Variants in USO1 observed in about 807,000 individuals in gnomAD.
USO1 encodes the protein USO1 vesicle transport factor, also known as general vesicular transport factor p115.
A neutral mutation model predicts 124.5 loss-of-function variants in USO1; 57 were observed. The ratio of observed to expected loss-of-function variants is 0.46; its 90% CI spans 0.37 to 0.57. The LOEUF (loss-of-function observed/expected upper bound fraction) is 0.57, where lower values mean the gene tolerates loss of function less well. Among genes scored for constraint, USO1 ranks in the 20% least tolerant of loss-of-function variants. The probability of loss-of-function intolerance (pLI) is 0.00; values close to 1 mark genes in which losing one functional copy is unlikely to be tolerated. For synonymous variants in USO1, 369 were observed against 362.8 expected (o/e 1.02, Z -0.19); for missense variants, 900 against 1,040.6 (o/e 0.86, Z 1.86).
chr4:75,771,276 G>A (rs1721920785), intron 7 of USO1, 139 bp downstream of exon 7: 4 of 1,027,058 alleles, frequency 3.9e-6, no homozygotes, highest in Non-Finnish European at 4.1e-6. Context: ...TTAAAAATTA[G>A]TAAACAGAGA....
At chr4:75,728,486 C>T (rs1422876154) in intron 1 of USO1, among the ~76,000 whole-genome samples, 1 of 151,978 alleles carries the variant, frequency 6.6e-6, no homozygotes, top group East Asian at 1.9e-4. Flanking sequence ...CCTGTCTCTA[C>T]TAAAAATACA....
chr4:75,750,893 AT>A (rs1200946155), intron 1 of USO1, among the ~76,000 whole-genome samples: 2 of 152,118 alleles, frequency 1.3e-5, no homozygotes, highest in Non-Finnish European at 2.9e-5. Flanking sequence ...AGGTTTCCAA[AT>A]TCTTTTTTAA....
intron 9 of USO1, among the ~76,000 whole-genome samples, chr4:75,786,281 C>T (rs547682550): frequency 8.3e-4 from 126 of 152,218 alleles, no homozygotes; most frequent in Non-Finnish European, 1.4e-3. Flanking sequence ...TCATTGATTA[C>T]TTCTGTGTAT....
At chr4:75,771,190 G>A in intron 7 of USO1, 53 bp downstream of exon 7, 1 of 1,529,784 alleles carries the variant, frequency 6.5e-7, no homozygotes, top group South Asian at 1.3e-5. Flanking sequence ...TTTTTCTCTT[G>A]CAAATGAAAT....
chr4:75,749,614 G>C (rs1384890073), intron 1 of USO1, among the ~76,000 whole-genome samples: 4 of 150,916 alleles, frequency 2.7e-5, no homozygotes, highest in African/African-American at 9.7e-5. Context: ...GCCCAGGCTG[G>C]TCTCAAACTC....
At chr4:75,738,121 T>C (rs1037983937) in intron 1 of USO1, among the ~76,000 whole-genome samples, 6 of 151,580 alleles carry the variant, frequency 4.0e-5, no homozygotes, top group African/African-American at 7.3e-5. Context: ...GTATGAGTCA[T>C]TGGGCCTGGC....
At chr4:75,759,605 G>C (rs1323559473) in intron 4 of USO1, among the ~76,000 whole-genome samples, 3 of 142,402 alleles carry the variant, frequency 2.1e-5, no homozygotes, top group Non-Finnish European at 4.6e-5. Flanking sequence ...AAAAAAAAAA[G>C]AAAAGAAAGA....
chr4:75,736,525 ACTCCTGAC>A (rs1720797049), intron 1 of USO1, among the ~76,000 whole-genome samples: 1 of 151,202 alleles, frequency 6.6e-6, no homozygotes, highest in South Asian at 2.1e-4. Context: ...CTGGTCTCGA[ACTCCTGAC>A]CTCATGTGAT....
At chr4:75,746,044 T>C (rs1317886386) in intron 1 of USO1, among the ~76,000 whole-genome samples, 2 of 152,174 alleles carry the variant, frequency 1.3e-5, no homozygotes, top group Non-Finnish European at 2.9e-5. Flanking sequence ...TAGTAGATAA[T>C]CCCTACGGTA....
chr4:75,793,284 C>G (rs1033494433), intron 12 of USO1, among the ~76,000 whole-genome samples: 2 of 144,042 alleles, frequency 1.4e-5, no homozygotes, highest in African/African-American at 2.6e-5. Context: ...GTCCATAGCT[C>G]ACTGCAGCCT....
chr4:75,803,510 C>G (rs1722912035), intron 17 of USO1, among the ~76,000 whole-genome samples: 1 of 151,688 alleles, frequency 6.6e-6, no homozygotes, highest in Non-Finnish European at 1.5e-5. Flanking sequence ...ATTAGCTGGG[C>G]ATGGCAGCGG....
chr4:75,756,143 C>T (rs145256032), intron 3 of USO1, among the ~76,000 whole-genome samples: 1,598 of 142,728 alleles, frequency 0.011, 33 homozygotes, highest in African/African-American at 0.039. Flanking sequence ...GCACTCCAGC[C>T]TGGGTGACAG....
chr4:75,801,617 T>C (rs1215470875), intron 17 of USO1, among the ~76,000 whole-genome samples: 1 of 152,156 alleles, frequency 6.6e-6, no homozygotes, highest in Non-Finnish European at 1.5e-5. Context: ...ATTAATGTTG[T>C]TAAAATTCCA....
Position 75,740,003 on chromosome 4 carries a change from A to G in USO1, c.67-12370A>G, listed in dbSNP as rs375266779. ...GGCATGTGTTATAGTGCTGTTGGCC[A>G]TGAGATCAATATTAATGGTCAAGGA... is the stretch of plus-strand genomic sequence containing the variant. On this transcript the variant is annotated intron_variant, in intron 1 of 23. Coordinates refer to ENST00000514213, the MANE Select transcript of USO1 (RefSeq NM_003715.4). 4.3e-4 allele frequency among the ~76,000 whole-genome samples: 66 copies of G among 152,318 alleles called. No homozygotes were observed. In the South Asian group the frequency reaches 0.013, roughly 31 times the overall value.
intron 3 of USO1, chr4:75,755,573 G>C: frequency 2.0e-6 from 1 of 494,876 alleles, no homozygotes; most frequent in Non-Finnish European, 4.0e-6. Flanking sequence ...CCAGCTGCTT[G>C]TCCATAACAG....
chr4:75,806,867 T>C (rs1723012995), intron 20 of USO1, among the ~76,000 whole-genome samples: 1 of 152,138 alleles, frequency 6.6e-6, no homozygotes, highest in Non-Finnish European at 1.5e-5. Context: ...AACTTGCAAA[T>C]ATGAAAATGT....
chr4:75,741,363 T>C (rs1720954100), intron 1 of USO1, among the ~76,000 whole-genome samples: 1 of 152,206 alleles, frequency 6.6e-6, no homozygotes, highest in Non-Finnish European at 1.5e-5. Flanking sequence ...AAGGACATTA[T>C]GTAAAGTATA....
At chr4:75,812,987 C>T (rs1327663317) in intron 23 of USO1, among the ~76,000 whole-genome samples, 1 of 151,984 alleles carries the variant, frequency 6.6e-6, no homozygotes, top group Non-Finnish European at 1.5e-5. Flanking sequence ...GTGGCAGGCA[C>T]CTGTAATCCC....
chr4:75,805,464 T>G (rs1722968479), intron 19 of USO1, among the ~76,000 whole-genome samples, 161 bp downstream of exon 19: 1 of 152,124 alleles, frequency 6.6e-6, no homozygotes, highest in Non-Finnish European at 1.5e-5. Flanking sequence ...CCTAGCACTT[T>G]GGGAGGCTGA....
Sources: gnomAD v4.1 joint callset for allele counts (sites outside exome capture counted in the v4.1 genomes callset) on GRCh38, gnomAD v4.1.1 for gene constraint, MANE v1.5 for transcripts, NCBI Gene and HGNC (gene_info 2026-07-23, HGNC 2026-07-21) for gene names.